Variants in USP10 observed in about 807,000 individuals in gnomAD.
The protein encoded by USP10 is ubiquitin specific peptidase 10.
Under a neutral mutation model 84.5 loss-of-function variants are expected in USP10, and 22 were observed. That is an observed-to-expected ratio of 0.26 (90% CI 0.19 to 0.37). The LOEUF is 0.37. Ranked by LOEUF, USP10 falls within the 10% of genes least tolerant of loss-of-function variation. The pLI is 1.00. For synonymous variants in USP10, 454 were observed against 387.6 expected, an observed-to-expected ratio of 1.17 and a Z score of -2.01; for missense variants, 1,019 against 998.9, an observed-to-expected ratio of 1.02 and a Z score of -0.27.
chr16:84,758,138 A>G (rs1039436246), intron 4 of USP10, among the ~76,000 whole-genome samples: 1 of 152,230 alleles, frequency 6.6e-6, no homozygotes, highest in Non-Finnish European at 1.5e-5. Flanking sequence ...CAGTTTATAA[A>G]ACAGTTGCTA....
chr16:84,722,488 C>T (rs1368731958), intron 1 of USP10, among the ~76,000 whole-genome samples: 2 of 152,200 alleles, frequency 1.3e-5, no homozygotes, highest in African/African-American at 4.8e-5. Flanking sequence ...TTTTTCAAAG[C>T]GGCCATGCCG....
rs777109418 is a variant in USP10, at chr16:84,745,158, G to A, written c.677G>A (p.Ser226Asn). The change falls in exon 4 of 14, where the codon AGT becomes AAT. Residue 226 changes from serine (S) to asparagine (N), a missense_variant. This residue lies in a region of USP10 where 787 missense variants were observed against 708.8 expected (regional missense o/e 1.11). Coordinates refer to ENST00000219473, the MANE Select transcript of USP10 (RefSeq NM_005153.3). ...TCTGTCAGTGACATTGTGCCTGACA[G>A]TCCTTTCCCCGGAGCACTCGGCAGT... Reference protein sequence around the residue: ...TDSVSDIVPDSPFPGALGSDT... With the variant: ...TDSVSDIVPDNPFPGALGSDT... 6.2e-7 allele frequency: 1 copy of A among 1,613,476 alleles called. No homozygotes were observed. The highest frequency in any genetic ancestry group is 1.7e-5 in the Admixed American group (1 of 59,986).
At chr16:84,728,302 T>C in intron 1 of USP10, among the ~76,000 whole-genome samples, 1 of 152,216 alleles carries the variant, frequency 6.6e-6, no homozygotes, top group Non-Finnish European at 1.5e-5. Context: ...TATAAATATA[T>C]TGAATAAATT....
rs1157728872 is a variant in USP10 at position 84,702,993 on chromosome 16, C to CAAAAAAAAAAAAAAAAA, written c.21+2886_21+2902dup. The stretch of plus-strand genomic sequence containing the variant: ...GGGCGACAGAGCAAGACTCCCGTCT[C>CAAAAAAAAAAAAAAAAA]AAAAAAAAAAAAAAAAAAAAGAGCG... On this transcript the variant is annotated intron_variant, in intron 1 of 13. Coordinates refer to ENST00000219473, the MANE Select transcript of USP10 (RefSeq NM_005153.3). Among the ~76,000 whole-genome samples the CAAAAAAAAAAAAAAAAA allele has an allele frequency of 1.1e-3, 58 of 52,142 alleles. 2 individuals are homozygous for CAAAAAAAAAAAAAAAAA. The highest frequency in any genetic ancestry group is 4.8e-3 in the African/African-American group (56 of 11,644). 34.2% of individuals were successfully genotyped at this position (52,142 alleles called of 152,430 possible).
chr16:84,744,670 A>C lies in USP10; in HGVS notation c.189A>C (p.Glu63Asp). Residue 63 changes from glutamate (E) to aspartate (D), a missense_variant, in exon 4 of 14, where the codon GAA becomes GAC. By Grantham distance (45) the Glu-to-Asp change is conservative. Transcript: ENST00000219473. ...EYQRIEFGVD[E>D]VIEPSDTLPR... is the part of the protein sequence containing the mutation. Reference sequence around the variant, plus strand: ...AGAGAATTGAGTTTGGTGTCGATGAAGTCATTGAACCCAGTGACACTTTGC... The same window carrying C: ...AGAGAATTGAGTTTGGTGTCGATGACGTCATTGAACCCAGTGACACTTTGC... 6.2e-7 allele frequency: 1 copy of C among 1,612,852 alleles called. No homozygotes were observed. The highest frequency in any genetic ancestry group is 8.5e-7 in the Non-Finnish European group (1 of 1,179,222).
chr16:84,770,696 T>C (rs1035625543), intron 11 of USP10, among the ~76,000 whole-genome samples: 4 of 145,978 alleles, frequency 2.7e-5, no homozygotes, highest in East Asian at 2.0e-4. Context: ...GGCGTGAACC[T>C]GGGAGGCGGA....
intron 9 of USP10, among the ~76,000 whole-genome samples, 187 bp from the exon 10 acceptor site, chr16:84,763,899 A>T (rs1184137259): frequency 6.7e-6 from 1 of 148,446 alleles, no homozygotes; most frequent in Non-Finnish European, 1.5e-5. Context: ...GGATCCAGTG[A>T]CATTGTGCCT....
At chr16:84,762,618 G>C (rs1432831907) in intron 8 of USP10, among the ~76,000 whole-genome samples, 1 of 151,650 alleles carries the variant, frequency 6.6e-6, no homozygotes, top group Non-Finnish European at 1.5e-5. Context: ...TTGAACCCGG[G>C]AGCTGGAGGT....
intron 1 of USP10, among the ~76,000 whole-genome samples, chr16:84,702,727 T>G (rs72797562): frequency 0.059 from 8,999 of 152,178 alleles, 390 homozygotes; most frequent in South Asian, 0.18. Flanking sequence ...GCGCGGTGGC[T>G]CGTGCCTGTA....
At chr16:84,736,440 A>G (rs1909946723) in intron 2 of USP10, among the ~76,000 whole-genome samples, 2 of 152,222 alleles carry the variant, frequency 1.3e-5, no homozygotes, top group African/African-American at 4.8e-5. Flanking sequence ...GTGGCTAGTA[A>G]TTTAGTGGCA....
intron 4 of USP10, among the ~76,000 whole-genome samples, chr16:84,756,057 A>AG (rs1912496837): frequency 6.6e-6 from 1 of 152,000 alleles, no homozygotes; most frequent in African/African-American, 2.4e-5. Context: ...GAGTTTCTGC[A>AG]GCCCTTGGAT....
intron 1 of USP10, among the ~76,000 whole-genome samples, chr16:84,718,463 A>G (rs961476603): frequency 1.1e-4 from 17 of 152,198 alleles, no homozygotes; most frequent in African/African-American, 3.9e-4. Context: ...TAGTTGCATT[A>G]TAGTTTTTCT....
chr16:84,707,070 A>T (rs1270276709), intron 1 of USP10, among the ~76,000 whole-genome samples: 1 of 152,186 alleles, frequency 6.6e-6, no homozygotes, highest in Non-Finnish European at 1.5e-5. Flanking sequence ...GTAAGATAAG[A>T]CCCAGAGAGG....
chr16:84,740,319 A>G lies in USP10; in HGVS notation c.101A>G (p.Tyr34Cys). The G allele has an allele frequency of 1.2e-6, 2 of 1,611,668 alleles. No individual in the cohort carries two copies. The highest frequency in any genetic ancestry group is 1.3e-5 in the African/African-American group (1 of 74,988). ...TPRSSVELPP[Y>C]SGTVLCGTQA... ...TGATTCCTTGTGCAGCTTCCTCCATACAGTGGAACAGTTCTGTGTGGCACA... is the reference window on the plus strand; with the variant it reads ...TGATTCCTTGTGCAGCTTCCTCCATGCAGTGGAACAGTTCTGTGTGGCACA... Residue 34 changes from tyrosine (Y) to cysteine (C), a missense_variant, in exon 3 of 14, where the codon TAC (tyrosine) becomes TGC (cysteine). Tyr to Cys is a radical substitution (Grantham distance 194, BLOSUM62 -2). Around this residue, in one of 2 missense-constraint regions of USP10, gnomAD observed 787 missense variants for 708.8 expected, o/e 1.11. Coordinates refer to ENST00000219473, the MANE Select transcript of USP10 (RefSeq NM_005153.3).
chr16:84,759,162 C>G (rs886966559), intron 5 of USP10: 2 of 606,356 alleles, frequency 3.3e-6, no homozygotes, highest in African/African-American at 1.8e-5. Flanking sequence ...CGACTGACTG[C>G]TTCGTAGATC....
intron 11 of USP10, among the ~76,000 whole-genome samples, chr16:84,770,087 C>T (rs975695611): frequency 2.0e-5 from 3 of 151,776 alleles, no homozygotes; most frequent in African/African-American, 7.3e-5. Context: ...CCAGCCTGTG[C>T]GATAGTGAAA....
In USP10 at chr16:84,763,701, G is replaced by A. The variant is rs766860274; in HGVS notation, c.1655-385G>A. 5.9e-5 allele frequency among the ~76,000 whole-genome samples: 9 copies of A among 152,252 alleles called. No individual in the cohort carries two copies. The South Asian group carries it at 6.2e-4, about 11-fold the overall frequency. On this transcript the variant is annotated intron_variant, in intron 9 of 13. Coordinates refer to ENST00000219473, the MANE Select transcript of USP10 (RefSeq NM_005153.3). ...GGTGCACCTGTTGCGATTGGTTGCCGTGGATCAAGTGGCATTGCAATGGGT... is the reference window on the plus strand; with the variant it reads ...GGTGCACCTGTTGCGATTGGTTGCCATGGATCAAGTGGCATTGCAATGGGT...
chr16:84,744,942 A>G lies in USP10; in HGVS notation c.461A>G (p.Lys154Arg), dbSNP rs751801202. 3 of 1,613,772 alleles carry G rather than the reference A, an allele frequency of 1.9e-6. No homozygotes were observed. Among genetic ancestry groups the G allele is most frequent in the Non-Finnish European group, 1.7e-6 (2 of 1,179,712 alleles). The change falls in exon 4 of 14, where the codon AAG (lysine) becomes AGG (arginine). Residue 154 changes from lysine (K) to arginine (R), a missense_variant. Coordinates refer to ENST00000219473, the MANE Select transcript of USP10 (RefSeq NM_005153.3). ...CAAAGGGAGCGTAAAAAGAAGAAAA[A>G]GCGGCCACCTGGATATTACAGCTAT... ...LGQRERKKKK[K>R]RPPGYYSYLK... is the part of the protein sequence containing the mutation.
chr16:84,774,165 G>C (rs367732559), intron 12 of USP10, among the ~76,000 whole-genome samples: 338 of 152,034 alleles, frequency 2.2e-3, no homozygotes, highest in African/African-American at 7.6e-3. Context: ...CAGGAGAATC[G>C]CTTGAACCTG....
Sources: gnomAD v4.1 joint callset for allele counts (sites outside exome capture counted in the v4.1 genomes callset) on GRCh38, gnomAD v4.1.1 for gene constraint, gnomAD v4.1.1 regional missense constraint, MANE v1.5 for transcripts, NCBI Gene and HGNC (gene_info 2026-07-23, HGNC 2026-07-21) for gene names.